Variants in ARID4A observed in about 807,000 individuals in gnomAD.
ARID4A encodes AT-rich interactive domain-containing protein 4A.
A neutral mutation model predicts 148.6 loss-of-function variants in ARID4A; 39 were observed. That is an observed-to-expected ratio of 0.26 (90% confidence interval 0.20 to 0.34). The LOEUF is 0.34. Among genes scored for constraint, ARID4A ranks in the 10% least tolerant of loss-of-function variants. ARID4A has a pLI of 1.00. For missense variants in ARID4A, 1,265 were observed against 1,449.1 expected, an observed-to-expected ratio of 0.87 and a Z score of 2.06; for synonymous variants, 475 against 481.2, an observed-to-expected ratio of 0.99 and a Z score of 0.17.
rs372037619 is a variant in ARID4A, at chr14:58,349,627, G to T, written c.1405-1446G>T. Among the ~76,000 whole-genome samples the T allele has an allele frequency of 2.6e-5, 4 of 151,926 alleles. 1 individual carries two copies. On this transcript the variant is annotated intron_variant, in intron 15 of 23. Coordinates refer to ENST00000355431, the MANE Select transcript of ARID4A (RefSeq NM_002892.4). ...TACTCAGGACGCTGAGGCAGGAGAA[G>T]TGCTTGAACCCAGGAGGCAGAGGTT...
intron 11 of ARID4A, among the ~76,000 whole-genome samples, chr14:58,335,938 T>C (rs1461535197): frequency 6.6e-6 from 1 of 152,078 alleles, no homozygotes; most frequent in Non-Finnish European, 1.5e-5. Flanking sequence ...GCAATAACAA[T>C]AACAACTTAA....
At chr14:58,300,623 T>C (rs1428814098) in intron 2 of ARID4A, among the ~76,000 whole-genome samples, 1 of 152,236 alleles carries the variant, frequency 6.6e-6, no homozygotes, top group Non-Finnish European at 1.5e-5. Flanking sequence ...TCCCAAACTT[T>C]CTCGTGGTTT....
intron 5 of ARID4A, among the ~76,000 whole-genome samples, chr14:58,313,896 G>C (rs1232160035): frequency 6.6e-6 from 1 of 152,126 alleles, no homozygotes; most frequent in East Asian, 1.9e-4. Context: ...CGGCCAATTG[G>C]ATGGTACTTG....
chr14:58,347,696 A>G lies in ARID4A; in HGVS notation c.1222A>G (p.Arg408Gly), dbSNP rs762227156. ...EYCRSANIQFRTVHHHEPKVK... is the reference protein window; with the variant it reads ...EYCRSANIQFGTVHHHEPKVK... The stretch of plus-strand genomic sequence containing the variant: ...CTGCCGTTCGGCAAATATTCAGTTC[A>G]GAACTGTTCATCACCATGAACCAAA... Residue 408 changes from arginine to glycine, a missense_variant, in exon 15 of 24, where the codon AGA becomes GGA. Physicochemically the swap from Arg to Gly is moderately radical, Grantham distance 125. Transcript: ENST00000355431. The G allele has an allele frequency of 3.7e-6, 6 of 1,613,946 alleles. No individual in the cohort carries two copies. In the South Asian group the frequency reaches 6.6e-5, roughly 18 times the overall value.
intron 5 of ARID4A, among the ~76,000 whole-genome samples, chr14:58,307,948 A>G (rs371497176): frequency 1.2e-4 from 18 of 152,354 alleles, no homozygotes; most frequent in African/African-American, 4.3e-4. Flanking sequence ...TATGATGCAT[A>G]TTCAGATATT....
chr14:58,317,133 C>A (rs1424260932), intron 5 of ARID4A, among the ~76,000 whole-genome samples: 1 of 140,596 alleles, frequency 7.1e-6, no homozygotes, highest in Non-Finnish European at 1.5e-5. Context: ...GCGGAGCTTG[C>A]AGTGAGCTGA....
intron 17 of ARID4A, among the ~76,000 whole-genome samples, chr14:58,356,987 CT>C (rs754884364): frequency 2.1e-4 from 32 of 152,324 alleles, no homozygotes; most frequent in Admixed American, 1.1e-3. Context: ...GCGTGAGCCA[CT>C]GCGCCCGGCC....
chr14:58,365,864 GGTTTTTTT>G (rs1289922289), intron 21 of ARID4A, among the ~76,000 whole-genome samples, 152 bp from the exon 22 acceptor site: 1 of 151,710 alleles, frequency 6.6e-6, no homozygotes, highest in Non-Finnish European at 1.5e-5. Flanking sequence ...TGAGCATTTA[GGTTTTTTT>G]GTTTTTTTGT....
chr14:58,328,272 GA>G lies in ARID4A; in HGVS notation c.623del (p.Lys208ArgfsTer5). 6.2e-7 allele frequency: 1 copy of G among 1,603,722 alleles called. No homozygotes were observed. Among genetic ancestry groups the G allele is most frequent in the Non-Finnish European group, 8.5e-7 (1 of 1,171,512 alleles). On this transcript the variant is annotated frameshift_variant, in exon 9 of 24. Transcript: ENST00000355431. LOFTEE classifies it high-confidence loss of function. ...SPSCNDDITV[K>X]KDQCLVRSFI... ...CCAGCTGTAATGATGACATCACAGT[GA>G]AAAAGGATCAGTGTTTAGTTCGATC...
intron 22 of ARID4A, 75 bp from the exon 23 acceptor site, chr14:58,366,808 C>A: frequency 8.7e-7 from 1 of 1,150,918 alleles, no homozygotes; most frequent in Non-Finnish European, 1.2e-6. Flanking sequence ...ATGAGTTAGA[C>A]GTTTGATAGA....
At chr14:58,326,674 G>A (rs948597652) in intron 8 of ARID4A, among the ~76,000 whole-genome samples, 2 of 152,170 alleles carry the variant, frequency 1.3e-5, no homozygotes, top group Admixed American at 1.3e-4. Flanking sequence ...ATGAAGAATG[G>A]CGTGTTACTA....
rs957772483 is a variant in ARID4A, at chr14:58,330,102, A to T, written c.839A>T (p.Glu280Val). Residue 280 changes from glutamate to valine, a missense_variant, in exon 11 of 24, where the codon GAA becomes GTA. Glu to Val is a moderately radical substitution (Grantham distance 121, BLOSUM62 -2). Coordinates refer to ENST00000355431, the MANE Select transcript of ARID4A (RefSeq NM_002892.4). ...EILESSSSDD[E>V]DGPAEENDEE... Reference sequence around the variant, plus strand: ...CTTGAGTCATCCAGTAGTGATGATGAAGATGGCCCAGCTGAAGAAAATGAT... The same window carrying T: ...CTTGAGTCATCCAGTAGTGATGATGTAGATGGCCCAGCTGAAGAAAATGAT... 6.2e-7 allele frequency: 1 copy of T among 1,613,636 alleles called. No individual in the cohort carries two copies. Among genetic ancestry groups the T allele is most frequent in the Admixed American group, 1.7e-5 (1 of 59,910 alleles).
intron 10 of ARID4A, 80 bp downstream of exon 10, chr14:58,329,684 C>A: frequency 8.2e-7 from 1 of 1,215,338 alleles, no homozygotes; most frequent in South Asian, 1.2e-5. Context: ...GACTGATACT[C>A]TCTGGTACCA....
intron 17 of ARID4A, among the ~76,000 whole-genome samples, chr14:58,357,805 G>T (rs1005221091): frequency 1.3e-5 from 2 of 151,926 alleles, no homozygotes; most frequent in Non-Finnish European, 2.9e-5. Flanking sequence ...GTAAATACTT[G>T]TATATTTAGA....
chr14:58,344,556 A>G (rs1175616693), intron 11 of ARID4A, 139 bp from the exon 12 acceptor site: 6 of 598,198 alleles, frequency 1.0e-5, no homozygotes, highest in Non-Finnish European at 1.8e-5. Flanking sequence ...AAAATCTGTC[A>G]TTGTAGGATA....
rs552089061 is a variant in ARID4A at position 58,318,836 on chromosome 14, A to G, written c.449+31A>G. 9 of 1,530,372 alleles carry G rather than the reference A, an allele frequency of 5.9e-6. No individual in the cohort carries two copies. The East Asian group carries it at 2.0e-4, about 35-fold the overall frequency. 94.8% of individuals were successfully genotyped at this position (1,530,372 alleles called of 1,614,324 possible). ...TTTTTTCATATATGGTATCATTTTA[A>G]TTACAATTATTATAACCTTAAACAA... On this transcript the variant is annotated intron_variant, in intron 7 of 23. Coordinates refer to ENST00000355431, the MANE Select transcript of ARID4A (RefSeq NM_002892.4).
chr14:58,300,804 C>T (rs898961818), intron 2 of ARID4A, among the ~76,000 whole-genome samples: 11 of 146,022 alleles, frequency 7.5e-5, no homozygotes, highest in African/African-American at 2.6e-4. Context: ...CTTTAACTTC[C>T]GGAAAAAAAA....
Position 58,372,181 on chromosome 14 carries a change from G to T in ARID4A, c.*192G>T. 1 of 491,326 alleles carries T rather than the reference G, an allele frequency of 2.0e-6. No homozygotes were observed. The allele number at this position is 491,326 out of a possible 1,614,324, so 30.4% of individuals were successfully genotyped here. A position where few individuals can be genotyped will look rare whatever the true frequency, so the allele number is the denominator to read the frequency against. ...TTGCAAAAAATAAGCTGATTAATAA[G>T]TGAAGGTTAAGCAGCCTGCCATATT... On this transcript the variant is annotated 3_prime_UTR_variant, in exon 24 of 24. Transcript: ENST00000355431.
intron 11 of ARID4A, among the ~76,000 whole-genome samples, chr14:58,334,379 G>A (rs2033690665): frequency 1.3e-5 from 2 of 152,114 alleles, no homozygotes; most frequent in African/African-American, 2.4e-5. Context: ...TAGGCAGGCT[G>A]TTGTTAAAAC....
Sources: gnomAD v4.1 joint callset for allele counts (sites outside exome capture counted in the v4.1 genomes callset) on GRCh38, gnomAD v4.1.1 for gene constraint, MANE v1.5 for transcripts, NCBI Gene and HGNC (gene_info 2026-07-23, HGNC 2026-07-21) for gene names.